Variants in COL4A1 observed in about 807,000 individuals in gnomAD.
COL4A1 encodes collagen alpha-1(IV) chain.
COL4A1 carries 40 observed loss-of-function variants against 216.6 expected under a neutral mutation model. That is an observed-to-expected ratio of 0.18 (90% CI 0.14 to 0.24). The LOEUF is 0.24. Among genes scored for constraint, COL4A1 ranks in the 10% least tolerant of loss-of-function variants. The pLI, the probability that COL4A1 is intolerant of heterozygous loss-of-function variation, is 1.00. For missense variants in COL4A1, 1,628 were observed against 2,196.8 expected, an observed-to-expected ratio of 0.74 and a Z score of 5.18; for synonymous variants, 839 against 810.7, an observed-to-expected ratio of 1.03 and a Z score of -0.59.
At chr13:110,260,629 A>G (rs1025234983) in intron 1 of COL4A1, among the ~76,000 whole-genome samples, 5 of 152,002 alleles carry the variant, frequency 3.3e-5, no homozygotes, top group Non-Finnish European at 7.4e-5. Context: ...ACAGTATGAC[A>G]TTTTTTTTCT....
chr13:110,248,185 G>C (rs745550282), intron 1 of COL4A1, among the ~76,000 whole-genome samples: 2 of 152,102 alleles, frequency 1.3e-5, no homozygotes, highest in African/African-American at 4.8e-5. Context: ...GCACTTCCTC[G>C]GGGAGTCTTT....
In COL4A1 at chr13:110,219,709, T is replaced by TATGTATATAC. The variant is rs1555307908; in HGVS notation, c.145-5695_145-5694insGTATATACAT. Among the ~76,000 whole-genome samples the TATGTATATAC allele has an allele frequency of 6.7e-3, 785 of 116,690 alleles. 7 individuals are homozygous for TATGTATATAC. Among genetic ancestry groups the TATGTATATAC allele is most frequent in the African/African-American group, 0.026 (752 of 29,070 alleles). The allele number at this position is 116,690 out of a possible 152,430, so 76.6% of individuals were successfully genotyped here. On this transcript the variant is annotated intron_variant, in intron 2 of 51. Coordinates refer to ENST00000375820, the MANE Select transcript of COL4A1 (RefSeq NM_001845.6). ...ATATATGTATATATATGTATATACA[T>TATGTATATAC]ATGTGTATATATATGTGTGTATATA...
chr13:110,174,111 C>T, intron 39 of COL4A1, 113 bp from the exon 40 acceptor site: 3 of 1,209,608 alleles, frequency 2.5e-6, no homozygotes, highest in Non-Finnish European at 2.4e-6. Context: ...CTCCCAAGCA[C>T]ACCTGGTTTT....
At chr13:110,199,255 G>A (rs1239426309) in intron 20 of COL4A1, among the ~76,000 whole-genome samples, 10 of 152,228 alleles carry the variant, frequency 6.6e-5, no homozygotes, top group Non-Finnish European at 2.9e-5. Context: ...GCTTCTGTGA[G>A]GGACGCACCA....
chr13:110,161,426 T>G, intron 48 of COL4A1, 57 bp from the exon 49 acceptor site: 5 of 1,541,496 alleles, frequency 3.2e-6, no homozygotes, highest in Non-Finnish European at 3.5e-6. Context: ...AATCTATCTC[T>G]ATGTAAAGTG....
Position 110,209,987 on chromosome 13 carries a change from C to A in COL4A1, c.608G>T (p.Gly203Val). The A allele has an allele frequency of 6.2e-7, 1 of 1,614,108 alleles. No individual in the cohort carries two copies. Among genetic ancestry groups the A allele is most frequent in the South Asian group, 1.1e-5 (1 of 91,070 alleles). ...QGPVGPPGFT[G>V]PPGPPGPPGP... ...ACAGCCCCCAAAACTTACTGGTGGT[C>A]CGGTAAATCCTGGAGGCCCAACAGG... Residue 203 changes from glycine to valine, a missense_variant, in exon 10 of 52, where the codon GGA (glycine) becomes GTA (valine). By Grantham distance (109) the Gly-to-Val change is moderately radical. Coordinates refer to ENST00000375820, the MANE Select transcript of COL4A1 (RefSeq NM_001845.6).
chr13:110,219,726 G>A (rs1305338765), intron 2 of COL4A1, among the ~76,000 whole-genome samples: 1 of 118,206 alleles, frequency 8.5e-6, no homozygotes, highest in East Asian at 3.2e-4. Context: ...ATATATATGT[G>A]TGTATATATA....
rs375874172 is a variant in COL4A1, at chr13:110,253,654, C to T, written c.85-10920G>A. 2.3e-4 allele frequency among the ~76,000 whole-genome samples: 32 copies of T among 141,042 alleles called. 2 individuals carry two copies. In the South Asian group the frequency reaches 5.1e-3, roughly 22 times the overall value. 92.5% of individuals were successfully genotyped at this position (141,042 alleles called of 152,430 possible). A position where few individuals can be genotyped will look rare whatever the true frequency, so the allele number is the denominator to read the frequency against. ...TATATGTATGTATGTATTACATATA[C>T]GTATAATTATATGTGTATGTATGTA... On this transcript the variant is annotated intron_variant, in intron 1 of 51. Coordinates refer to ENST00000375820, the MANE Select transcript of COL4A1 (RefSeq NM_001845.6).
chr13:110,195,597 C>T (rs111733487), intron 21 of COL4A1, among the ~76,000 whole-genome samples: 102 of 152,232 alleles, frequency 6.7e-4, no homozygotes, highest in African/African-American at 1.8e-3. Flanking sequence ...AGACTGCCCA[C>T]GAGGAAATGC....
Position 110,174,614 on chromosome 13 carries a change from C to CT in COL4A1, c.3325+8dup. The stretch of plus-strand genomic sequence containing the variant: ...TTCCCCAAGTCCAAGAGAAGCCCCC[C>CT]TCACCTACCTGGATAGCCAACACTC... On this transcript the variant is annotated intron_variant, in intron 38 of 51. Coordinates refer to ENST00000375820, the MANE Select transcript of COL4A1 (RefSeq NM_001845.6). 1 of 1,614,172 alleles carries CT rather than the reference C, an allele frequency of 6.2e-7. No individual in the cohort carries two copies. The highest frequency in any genetic ancestry group is 8.5e-7 in the Non-Finnish European group (1 of 1,180,020).
chr13:110,151,638 T>C (rs1433442194), intron 51 of COL4A1, among the ~76,000 whole-genome samples: 3 of 152,172 alleles, frequency 2.0e-5, no homozygotes, highest in Non-Finnish European at 4.4e-5. Flanking sequence ...AGCGCTTGTT[T>C]TGGAAATGAA....
chr13:110,172,997 C>T (rs1448343512), intron 40 of COL4A1, among the ~76,000 whole-genome samples: 1 of 152,190 alleles, frequency 6.6e-6, no homozygotes, highest in East Asian at 1.9e-4. Flanking sequence ...CAGCTCAGAA[C>T]CACCACGGCA....
At chr13:110,275,035 C>A (rs1434924712) in intron 1 of COL4A1, among the ~76,000 whole-genome samples, 1 of 152,188 alleles carries the variant, frequency 6.6e-6, no homozygotes, top group East Asian at 1.9e-4. Context: ...GTACCAAAGG[C>A]ATGATCCATG....
chr13:110,164,967 G>A lies in COL4A1; in HGVS notation c.4045C>T (p.Pro1349Ser), dbSNP rs761077330. The A allele has an allele frequency of 8.3e-5, 133 of 1,605,306 alleles. No individual in the cohort carries two copies. The highest frequency in any genetic ancestry group is 1.1e-4 in the Non-Finnish European group (131 of 1,176,462). ...CCTTTGATGATGTCGTAAGGACCTG[G>A]GGGGCCAGGAGGACCCGGGAGACCT... Reference protein sequence around the residue: ...AKGLPGPPGPPGPYDIIKGEP... With the variant: ...AKGLPGPPGPSGPYDIIKGEP... Residue 1349 changes from proline (P) to serine (S), a missense_variant, in exon 46 of 52, where the codon CCA (proline) becomes TCA (serine). By Grantham distance (74) the Pro-to-Ser change is moderately conservative. Coordinates refer to ENST00000375820, the MANE Select transcript of COL4A1 (RefSeq NM_001845.6).
chr13:110,260,960 C>T (rs1475658493), intron 1 of COL4A1, among the ~76,000 whole-genome samples: 1 of 130,062 alleles, frequency 7.7e-6, no homozygotes, highest in Non-Finnish European at 1.5e-5. Flanking sequence ...TGGCGTGAAC[C>T]CGAGAAGTGG....
At chr13:110,276,451 T>C (rs1883435460) in intron 1 of COL4A1, among the ~76,000 whole-genome samples, 1 of 152,302 alleles carries the variant, frequency 6.6e-6, no homozygotes, top group African/African-American at 2.4e-5. Context: ...ATTCTCGTTG[T>C]ACCGCCAAAT....
At position 110,209,987 on chromosome 13, in the gene COL4A1, C is replaced by G; in HGVS notation, c.608G>C (p.Gly203Ala). Residue 203 changes from glycine to alanine, a missense_variant, in exon 10 of 52, where the codon GGA (glycine) becomes GCA (alanine). Around this residue, in one of 8 missense-constraint regions of COL4A1, gnomAD observed 150 missense variants for 211.9 expected, o/e 0.71. Coordinates refer to ENST00000375820, the MANE Select transcript of COL4A1 (RefSeq NM_001845.6). ...QGPVGPPGFT[G>A]PPGPPGPPGP... ...ACAGCCCCCAAAACTTACTGGTGGT[C>G]CGGTAAATCCTGGAGGCCCAACAGG... 6.2e-7 allele frequency: 1 copy of G among 1,614,110 alleles called. No individual in the cohort carries two copies. Among genetic ancestry groups the G allele is most frequent in the Non-Finnish European group, 8.5e-7 (1 of 1,180,020 alleles).
chr13:110,220,799 A>G (rs540275036), intron 2 of COL4A1, among the ~76,000 whole-genome samples: 2 of 152,288 alleles, frequency 1.3e-5, no homozygotes, highest in African/African-American at 4.8e-5. Flanking sequence ...GGCCGAAAGA[A>G]CAGTGGCTGG....
At chr13:110,164,657 T>C (rs1877249227) in intron 46 of COL4A1, among the ~76,000 whole-genome samples, 1 of 150,124 alleles carries the variant, frequency 6.7e-6, no homozygotes, top group Non-Finnish European at 1.5e-5. Context: ...TAGCTTTTCC[T>C]GGGTTTTCTT....
Sources: allele counts gnomAD v4.1 joint callset (sites outside exome capture counted in the v4.1 genomes callset), GRCh38; gene constraint gnomAD v4.1.1; regional missense constraint gnomAD v4.1.1; transcripts MANE v1.5; gene names NCBI Gene and HGNC (gene_info 2026-07-23, HGNC 2026-07-21).